The following SGMS1 variants were observed in gnomAD, a reference collection of about 807,000 sequenced individuals.
SGMS1 encodes the protein phosphatidylcholine:ceramide cholinephosphotransferase 1.
In SGMS1, 13 loss-of-function variants were observed where a neutral mutation model predicts 46.2. The observed-to-expected ratio is 0.28, with a 90% confidence interval of 0.18 to 0.45. The LOEUF is 0.45. Among genes scored for constraint, SGMS1 ranks in the 20% least tolerant of loss-of-function variants. SGMS1 has a pLI of 1.00. For synonymous variants in SGMS1, 203 were observed against 187.8 expected (o/e 1.08, Z -0.66); for missense variants, 324 against 519.9 (o/e 0.62, Z 3.66).
intron 2 of SGMS1, among the ~76,000 whole-genome samples, chr10:50,582,059 GTGAATGC>G (rs1838439910): frequency 6.6e-6 from 1 of 152,256 alleles, no homozygotes; most frequent in South Asian, 2.1e-4. Context: ...AGCAAGCTTT[GTGAATGC>G]TGAATGGCAA....
chr10:50,361,646 C>T (rs1392522968), intron 6 of SGMS1, among the ~76,000 whole-genome samples: 1 of 152,192 alleles, frequency 6.6e-6, no homozygotes. Context: ...CCTGGAGATC[C>T]TATCTTGAAG....
intron 2 of SGMS1, among the ~76,000 whole-genome samples, chr10:50,536,312 C>T (rs1305348732): frequency 6.6e-6 from 1 of 151,948 alleles, no homozygotes; most frequent in Non-Finnish European, 1.5e-5. Flanking sequence ...ACAGTCAAGA[C>T]CCTGTCTCAA....
At chr10:50,524,329 G>C (rs914384489) in intron 2 of SGMS1, among the ~76,000 whole-genome samples, 6 of 152,126 alleles carry the variant, frequency 3.9e-5, no homozygotes, top group African/African-American at 1.4e-4. Flanking sequence ...CTGAGCCTCT[G>C]GGCTTGATAA....
At chr10:50,621,400 CATAA>C (rs1193466892) in intron 1 of SGMS1, among the ~76,000 whole-genome samples, 1 of 152,172 alleles carries the variant, frequency 6.6e-6, no homozygotes, top group Non-Finnish European at 1.5e-5. Context: ...CTTACGAAAA[CATAA>C]ATATTCTTTA....
chr10:50,505,563 A>G (rs902696802), intron 3 of SGMS1, among the ~76,000 whole-genome samples: 16 of 152,198 alleles, frequency 1.1e-4, no homozygotes, highest in African/African-American at 3.6e-4. Context: ...AAAGGACACA[A>G]AAACTATAAC....
intron 8 of SGMS1, among the ~76,000 whole-genome samples, chr10:50,321,536 T>C (rs1847444204): frequency 6.6e-6 from 1 of 152,116 alleles, no homozygotes; most frequent in African/African-American, 2.4e-5. Context: ...GGAAAGTATA[T>C]GCAAGAAGCA....
chr10:50,384,195 G>A (rs1401299318), intron 6 of SGMS1, among the ~76,000 whole-genome samples: 3 of 152,088 alleles, frequency 2.0e-5, no homozygotes, highest in African/African-American at 4.8e-5. Flanking sequence ...AGACACATGG[G>A]CCTTGGAATC....
chr10:50,419,098 C>G (rs1849220879), intron 6 of SGMS1, among the ~76,000 whole-genome samples: 1 of 152,038 alleles, frequency 6.6e-6, no homozygotes, highest in South Asian at 2.1e-4. Context: ...TAGGAAAAAT[C>G]ATAGTATATA....
In SGMS1 at chr10:50,365,255, C is replaced by CAA. The variant is rs67951872; in HGVS notation, c.-231-20912_-231-20911dup. 8.8e-3 allele frequency among the ~76,000 whole-genome samples: 394 copies of CAA among 44,858 alleles called. 3 individuals are homozygous for CAA. Among genetic ancestry groups the CAA allele is most frequent in the African/African-American group, 0.02 (263 of 13,342 alleles). 29.4% of individuals were successfully genotyped at this position (44,858 alleles called of 152,430 possible). A position where few individuals can be genotyped will look rare whatever the true frequency, so the allele number is the denominator to read the frequency against. ...GCGACGGAGTGAGACTCCATCTCAC[C>CAA]AAAAAAAAAAAAAAAAAAAAAAAGC... On this transcript the variant is annotated intron_variant, in intron 6 of 10. Coordinates refer to ENST00000361781, the MANE Select transcript of SGMS1 (RefSeq NM_147156.4).
chr10:50,576,586 C>T (rs1304404749), intron 2 of SGMS1, among the ~76,000 whole-genome samples: 3 of 152,204 alleles, frequency 2.0e-5, no homozygotes, highest in Non-Finnish European at 4.4e-5. Context: ...CATAGAAAAG[C>T]TGGGCACGTG....
intron 6 of SGMS1, among the ~76,000 whole-genome samples, chr10:50,392,212 T>C (rs1191295105): frequency 4.6e-5 from 7 of 151,108 alleles, no homozygotes; most frequent in African/African-American, 1.7e-4. Context: ...AACTGAAATG[T>C]TGCACAAATA....
At chr10:50,418,289 C>A (rs1054803607) in intron 6 of SGMS1, 1 of 152,238 alleles carries the variant, frequency 6.6e-6, no homozygotes, top group African/African-American at 2.4e-5. Context: ...GCTAGGACAG[C>A]GGCGCTGCGG....
chr10:50,405,031 C>A (rs890633271), intron 6 of SGMS1, among the ~76,000 whole-genome samples: 8 of 151,930 alleles, frequency 5.3e-5, no homozygotes, highest in Non-Finnish European at 1.2e-4. Flanking sequence ...CAGATATGTG[C>A]CAAAATATGT....
rs60249033 is a variant in SGMS1, at chr10:50,402,735, A to AT, written c.-232+30740dup. 0.029 allele frequency among the ~76,000 whole-genome samples: 4,359 copies of AT among 148,140 alleles called. 479 individuals are homozygous for AT. The East Asian group carries it at 0.37, about 13-fold the overall frequency. On this transcript the variant is annotated intron_variant, in intron 6 of 10. Transcript: ENST00000361781. ...TACTCAATTTTTGTTAACCAGAACC[A>AT]TTTTTTTTTTTTAATTTCAATAGCT... is the stretch of plus-strand genomic sequence containing the variant.
intron 6 of SGMS1, among the ~76,000 whole-genome samples, chr10:50,423,767 A>C (rs372964831): frequency 3.8e-4 from 58 of 152,354 alleles, no homozygotes; most frequent in African/African-American, 1.4e-3. Flanking sequence ...CTCATAATTT[A>C]ATGAAATTAT....
At chr10:50,416,226 A>G (rs1300350181) in intron 6 of SGMS1, among the ~76,000 whole-genome samples, 1 of 152,224 alleles carries the variant, frequency 6.6e-6, no homozygotes, top group African/African-American at 2.4e-5. Flanking sequence ...GAGCAATTGG[A>G]GCCACATAGG....
intron 5 of SGMS1, among the ~76,000 whole-genome samples, chr10:50,435,075 T>C (rs1481376173): frequency 1.3e-5 from 2 of 152,192 alleles, no homozygotes; most frequent in Non-Finnish European, 2.9e-5. Flanking sequence ...TGGCTTTATA[T>C]GCCTGGCCAC....
At chr10:50,562,353 T>TGCGC (rs201882996) in intron 2 of SGMS1, among the ~76,000 whole-genome samples, 8 of 114,944 alleles carry the variant, frequency 7.0e-5, no homozygotes, top group East Asian at 2.2e-4. Context: ...TGTGTGTGTG[T>TGCGC]GTGCGCGCGC....
chr10:50,624,655 G>A (rs907118745), upstream of SGMS1: 11 of 985,332 alleles, frequency 1.1e-5, no homozygotes, highest in Middle Eastern at 5.2e-4. Flanking sequence ...GAGCGGCTAG[G>A]CCGGGGTCGG....
Sources: gnomAD v4.1 joint callset for allele counts (sites outside exome capture counted in the v4.1 genomes callset) on GRCh38, gnomAD v4.1.1 for gene constraint, MANE v1.5 for transcripts, NCBI Gene and HGNC (gene_info 2026-07-23, HGNC 2026-07-21) for gene names.